RREB1: variants seen among roughly 807,000 people sequenced by gnomAD.
The protein encoded by RREB1 is ras responsive element binding protein 1.
Under a neutral mutation model 117.8 loss-of-function variants are expected in RREB1, and 27 were observed. The ratio of observed to expected loss-of-function variants is 0.23; its 90% CI spans 0.17 to 0.32. The LOEUF (loss-of-function observed/expected upper bound fraction) is 0.32, where lower values mean the gene tolerates loss of function less well. Ranked by LOEUF, RREB1 falls within the 10% of genes least tolerant of loss-of-function variation. The probability of loss-of-function intolerance (pLI) is 1.00; values close to 1 mark genes in which losing one functional copy is unlikely to be tolerated. For synonymous variants in RREB1, 1,298 were observed against 1,026.7 expected, an observed-to-expected ratio of 1.26 and a Z score of -5.05; for missense variants, 2,577 against 2,378.2, an observed-to-expected ratio of 1.08 and a Z score of -1.74.
At chr6:7,122,163 C>G (rs1761708457) in intron 1 of RREB1, among the ~76,000 whole-genome samples, 1 of 152,242 alleles carries the variant, frequency 6.6e-6, no homozygotes. Flanking sequence ...AGAAGCTTCT[C>G]TTTTATAAGG....
At chr6:7,120,974 C>T (rs1320534690) in intron 1 of RREB1, among the ~76,000 whole-genome samples, 1 of 151,998 alleles carries the variant, frequency 6.6e-6, no homozygotes, top group Non-Finnish European at 1.5e-5. Flanking sequence ...CAGGTGCCTG[C>T]CACTACGCCT....
chr6:7,155,053 C>G (rs1763298885), intron 1 of RREB1, among the ~76,000 whole-genome samples: 1 of 152,074 alleles, frequency 6.6e-6, no homozygotes, highest in Admixed American at 6.5e-5. Context: ...ACGAAGGGGC[C>G]TAGTGGGAAG....
intron 4 of RREB1, 45 bp from the exon 5 acceptor site, chr6:7,187,389 G>T: frequency 8.1e-7 from 1 of 1,231,290 alleles, no homozygotes; most frequent in South Asian, 1.2e-5. Flanking sequence ...GGCACTTGTT[G>T]ACTGTGAGTT....
intron 8 of RREB1, among the ~76,000 whole-genome samples, chr6:7,221,901 C>T (rs779588977): frequency 4.6e-5 from 7 of 152,170 alleles, no homozygotes; most frequent in Admixed American, 6.5e-5. Context: ...TGCCAGGAAA[C>T]GGGCTTTTCC....
In RREB1 at chr6:7,230,395, C is replaced by A. The variant is rs1254556261; in HGVS notation, c.2296C>A (p.Arg766Ser). 3.8e-6 allele frequency: 6 copies of A among 1,592,706 alleles called. No homozygotes were observed. Among genetic ancestry groups the A allele is most frequent in the Non-Finnish European group, 5.1e-6 (6 of 1,174,854 alleles). Residue 766 changes from arginine (R) to serine (S), a missense_variant, in exon 10 of 13, where the codon CGT becomes AGT. Physicochemically the swap from Arg to Ser is moderately radical, Grantham distance 110. Transcript: ENST00000379938. ...GTGCGGCGAGGACCTCAAGCACTAT[C>A]GTGCCCTGCGCATCCACATGCGCAC... Reference protein sequence around the residue: ...RLCGEDLKHYRALRIHMRTHC... With the variant: ...RLCGEDLKHYSALRIHMRTHC...
intron 8 of RREB1, chr6:7,217,580 C>T (rs1766976051): frequency 6.6e-6 from 1 of 152,190 alleles, no homozygotes; most frequent in Admixed American, 6.5e-5. Context: ...CCGTCCCAGC[C>T]TGCCGCCTGG....
intron 1 of RREB1, among the ~76,000 whole-genome samples, chr6:7,142,543 C>T (rs1305462226): frequency 6.6e-6 from 1 of 152,250 alleles, no homozygotes; most frequent in Non-Finnish European, 1.5e-5. Context: ...TGCCTGCTGC[C>T]AGGCGCCTTG....
intron 8 of RREB1, chr6:7,214,660 C>G (rs1028313053): frequency 1.3e-5 from 2 of 152,312 alleles, no homozygotes; most frequent in Non-Finnish European, 1.5e-5. Context: ...GTGGGAGAGA[C>G]AGCTTGTTAA....
chr6:7,133,349 G>T (rs1177389693), intron 1 of RREB1, among the ~76,000 whole-genome samples: 1 of 152,104 alleles, frequency 6.6e-6, no homozygotes, highest in African/African-American at 2.4e-5. Flanking sequence ...TATGATGTTA[G>T]TAGCAGATTG....
chr6:7,172,941 C>A (rs1157655112), intron 1 of RREB1, among the ~76,000 whole-genome samples: 1 of 152,212 alleles, frequency 6.6e-6, no homozygotes, highest in Non-Finnish European at 1.5e-5. Context: ...TCAGCCCATC[C>A]TTCAAGAGAT....
chr6:7,140,384 C>CA (rs1433229517), intron 1 of RREB1, among the ~76,000 whole-genome samples: 1 of 152,138 alleles, frequency 6.6e-6, no homozygotes, highest in Admixed American at 6.5e-5. Flanking sequence ...TCCTTTTTCT[C>CA]AAAGATTTTT....
At chr6:7,172,525 GGCATGA>G (rs1437548021) in intron 1 of RREB1, among the ~76,000 whole-genome samples, 8 of 152,154 alleles carry the variant, frequency 5.3e-5, no homozygotes, top group Admixed American at 2.0e-4. Context: ...TGGGATTATA[GGCATGA>G]GCCACCATGC....
chr6:7,143,536 A>G (rs1222685229), intron 1 of RREB1, among the ~76,000 whole-genome samples: 2 of 152,170 alleles, frequency 1.3e-5, no homozygotes, highest in Non-Finnish European at 2.9e-5. Flanking sequence ...CTCAATTATC[A>G]TTAGACCCAG....
chr6:7,126,328 C>T (rs2113336547), intron 1 of RREB1, among the ~76,000 whole-genome samples: 1 of 149,194 alleles, frequency 6.7e-6, no homozygotes, highest in South Asian at 2.1e-4. Flanking sequence ...ATTCTTGTTG[C>T]CCAGGCTGGA....
intron 8 of RREB1, among the ~76,000 whole-genome samples, chr6:7,224,505 G>C (rs938375270): frequency 1.3e-5 from 2 of 151,940 alleles, no homozygotes; most frequent in East Asian, 1.9e-4. Flanking sequence ...AATTGAACTT[G>C]AGCATGGGGG....
Position 7,230,554 on chromosome 6 carries a change from C to G in RREB1, c.2455C>G (p.Gln819Glu), listed in dbSNP as rs1357552202. The G allele has an allele frequency of 1.2e-6, 2 of 1,600,264 alleles. No homozygotes were observed. Among genetic ancestry groups the G allele is most frequent in the Middle Eastern group, 1.6e-4 (1 of 6,078 alleles). Reference protein sequence around the residue: ...ILKQHLHVPEQDIESYVLAAD... With the variant: ...ILKQHLHVPEEDIESYVLAAD... ...CAAGCAGCACCTGCACGTGCCCGAG[C>G]AGGACATCGAGAGCTACGTGCTGGC... The change falls in exon 10 of 13, where the codon CAG (glutamine) becomes GAG (glutamate). Residue 819 changes from glutamine to glutamate, a missense_variant. By Grantham distance (29) the Gln-to-Glu change is conservative. Transcript: ENST00000379938.
chr6:7,192,179 TTTGTTG>T (rs551930153), intron 6 of RREB1, among the ~76,000 whole-genome samples: 3 of 150,868 alleles, frequency 2.0e-5, no homozygotes, highest in Admixed American at 6.6e-5. Flanking sequence ...CCTTTATTCT[TTTGTTG>T]TTGTTGTTGT....
chr6:7,112,791 CTGTCGGCAATGTCATCGACTG>C (rs147037629), intron 1 of RREB1, among the ~76,000 whole-genome samples: 5,965 of 152,288 alleles, frequency 0.039, 144 homozygotes, highest in Middle Eastern at 0.065. Flanking sequence ...GTTAGCAGTC[CTGTCGGCAATGTCATCGACTG>C]TGCTCCGCCC....
intron 8 of RREB1, among the ~76,000 whole-genome samples, chr6:7,225,686 G>A (rs1428622444): frequency 6.6e-6 from 1 of 152,186 alleles, no homozygotes; most frequent in African/African-American, 2.4e-5. Flanking sequence ...CAAGGAAGGG[G>A]AGACAGCCTT....
Sources: allele counts gnomAD v4.1 joint callset (sites outside exome capture counted in the v4.1 genomes callset), GRCh38; gene constraint gnomAD v4.1.1; transcripts MANE v1.5; gene names NCBI Gene and HGNC (gene_info 2026-07-23, HGNC 2026-07-21).